WDR7: variants seen among roughly 807,000 people sequenced by gnomAD.
WDR7 encodes WD repeat domain 7, also known as WD repeat-containing protein 7.
WDR7 carries 46 observed loss-of-function variants against 169.4 expected under a neutral mutation model. The observed-to-expected ratio is 0.27, with a 90% CI of 0.21 to 0.35. The LOEUF is 0.35. WDR7 is among the 10% of genes least tolerant of loss of function. The pLI is 1.00. For synonymous variants in WDR7, 612 were observed against 666.8 expected, an observed-to-expected ratio of 0.92 and a Z score of 1.27; for missense variants, 1,534 against 1,859.3, an observed-to-expected ratio of 0.83 and a Z score of 3.22.
rs987651306 is a variant in WDR7 at position 56,767,471 on chromosome 18, G to A, written c.2848+8518G>A. Among the ~76,000 whole-genome samples the A allele has an allele frequency of 3.9e-5, 6 of 152,296 alleles. No homozygotes were observed. In the East Asian group the frequency reaches 1.2e-3, roughly 29 times the overall value. ...AACTCTCTTAAGGCAATAAGCTGGGGTAATCATAGGATCACAGGGCTCACG... is the reference window on the plus strand; with the variant it reads ...AACTCTCTTAAGGCAATAAGCTGGGATAATCATAGGATCACAGGGCTCACG... On this transcript the variant is annotated intron_variant, in intron 16 of 27. Transcript: ENST00000254442.
chr18:56,967,686 G>A (rs555332630), intron 26 of WDR7, among the ~76,000 whole-genome samples: 4 of 152,168 alleles, frequency 2.6e-5, no homozygotes, highest in African/African-American at 4.8e-5. Context: ...AGCTTTCCTC[G>A]TGAAGTTTGT....
intron 21 of WDR7, among the ~76,000 whole-genome samples, chr18:56,897,616 T>C (rs1006886544): frequency 2.6e-5 from 4 of 152,002 alleles, no homozygotes; most frequent in African/African-American, 9.7e-5. Context: ...TTGTAAGACA[T>C]TGATATTTTT....
intron 25 of WDR7, chr18:56,957,203 G>GAAGA (rs2047264069): frequency 6.6e-6 from 1 of 152,160 alleles, no homozygotes; most frequent in Admixed American, 6.6e-5. Flanking sequence ...ACCATCCCAT[G>GAAGA]AAGAAAGCGA....
intron 26 of WDR7, among the ~76,000 whole-genome samples, chr18:56,988,833 T>TTAA (rs147090034): frequency 2.0e-5 from 3 of 152,280 alleles, no homozygotes; most frequent in African/African-American, 7.2e-5. Context: ...ATTATCACAG[T>TTAA]TAATAATAGA....
intron 25 of WDR7, among the ~76,000 whole-genome samples, chr18:56,956,084 T>C (rs1021166575): frequency 1.3e-5 from 2 of 152,172 alleles, no homozygotes; most frequent in African/African-American, 2.4e-5. Flanking sequence ...GAAATACTTA[T>C]TGACTATTTA....
At chr18:56,930,916 G>A (rs1320915240) in intron 22 of WDR7, among the ~76,000 whole-genome samples, 2 of 152,170 alleles carry the variant, frequency 1.3e-5, no homozygotes, top group African/African-American at 2.4e-5. Context: ...TTTAACCAAA[G>A]TGTTCTTACA....
intron 20 of WDR7, among the ~76,000 whole-genome samples, chr18:56,858,608 G>A (rs118157091): frequency 0.014 from 2,131 of 152,186 alleles, 28 homozygotes; most frequent in East Asian, 0.035. Flanking sequence ...GTGAGCCACC[G>A]TGCTGGCCTA....
intron 16 of WDR7, among the ~76,000 whole-genome samples, chr18:56,764,626 A>G (rs2044032841): frequency 6.6e-6 from 1 of 152,124 alleles, no homozygotes; most frequent in Non-Finnish European, 1.5e-5. Context: ...ATGTTATACA[A>G]TGTGAATCCT....
At position 56,682,726 on chromosome 18, in the gene WDR7, C is replaced by G; in HGVS notation, c.393C>G (p.Cys131Trp). The change falls in exon 5 of 28, where the codon TGC (cysteine) becomes TGG (tryptophan). Residue 131 changes from cysteine to tryptophan, a missense_variant. Transcript: ENST00000254442. ...ATCAGCGAGAAGGAAGGCTTTTATG[C>G]CACGGACATTACCCTGAAATCCTTG... ...VGNQREGRLL[C>W]HGHYPEILVV... 6.2e-7 allele frequency: 1 copy of G among 1,613,798 alleles called. No individual in the cohort carries two copies. Among genetic ancestry groups the G allele is most frequent in the South Asian group, 1.1e-5 (1 of 91,068 alleles).
chr18:56,873,968 A>T (rs894951901), intron 20 of WDR7: 5 of 152,262 alleles, frequency 3.3e-5, no homozygotes, highest in Non-Finnish European at 5.9e-5. Context: ...CAGCTGACAG[A>T]ACAATCAGTG....
At chr18:56,773,275 G>A (rs192908865) in intron 16 of WDR7, among the ~76,000 whole-genome samples, 21 of 152,170 alleles carry the variant, frequency 1.4e-4, no homozygotes, top group African/African-American at 4.3e-4. Context: ...GCATTGTAAC[G>A]GGGCTTCAAG....
intron 9 of WDR7, among the ~76,000 whole-genome samples, chr18:56,693,916 C>A (rs2144631857): frequency 6.6e-6 from 1 of 152,116 alleles, no homozygotes; most frequent in African/African-American, 2.4e-5. Context: ...GTCATCCAGG[C>A]TGGAGTGCAG....
the WDR7 span, chr18:57,035,776 A>T: frequency 6.6e-6 from 1 of 152,266 alleles, no homozygotes; most frequent in Non-Finnish European, 1.5e-5. Flanking sequence ...GAGAGACCAG[A>T]CCTGCAGAGA....
At chr18:56,931,346 A>G (rs139739928) in intron 22 of WDR7, among the ~76,000 whole-genome samples, 185 of 152,316 alleles carry the variant, frequency 1.2e-3, no homozygotes, top group Non-Finnish European at 2.0e-3. Context: ...TATCACACAG[A>G]CAATGCACTC....
rs1470609504 is a variant in WDR7, at chr18:56,756,972, T to C, written c.2379T>C (p.Tyr793=). The C allele has an allele frequency of 1.2e-6, 2 of 1,614,114 alleles. No homozygotes were observed. The highest frequency in any genetic ancestry group is 8.5e-7 in the Non-Finnish European group (1 of 1,180,024). Residue 793 remains tyrosine, a synonymous_variant, in exon 15 of 28, where the codon TAT becomes TAC. Transcript: ENST00000254442. ...SKSKPLTLLE[Y]NLTMDTAKLF... is the part of the protein sequence containing the mutation. ...CAAAGCCATTGACCCTATTAGAATATAATTTAACTATGGACACTGCAAAGC... is the reference window on the plus strand; with the variant it reads ...CAAAGCCATTGACCCTATTAGAATACAATTTAACTATGGACACTGCAAAGC...
intron 26 of WDR7, among the ~76,000 whole-genome samples, chr18:56,975,066 C>A (rs1261828112): frequency 6.6e-6 from 1 of 151,974 alleles, no homozygotes. Context: ...GGTGAAACCC[C>A]GTATCTACTA....
intron 20 of WDR7, among the ~76,000 whole-genome samples, chr18:56,869,206 A>G (rs906362019): frequency 6.6e-6 from 1 of 152,142 alleles, no homozygotes; most frequent in African/African-American, 2.4e-5. Context: ...GTGGTCATAT[A>G]TTTTGCATTT....
At chr18:56,705,457 T>G (rs1040679352) in intron 12 of WDR7, among the ~76,000 whole-genome samples, 5 of 152,060 alleles carry the variant, frequency 3.3e-5, no homozygotes, top group Admixed American at 6.6e-5. Context: ...TTGGAAGACT[T>G]TAAGGAAGGT....
intron 14 of WDR7, among the ~76,000 whole-genome samples, chr18:56,749,289 CATAATTTT>C (rs2043751342): frequency 6.6e-6 from 1 of 151,816 alleles, no homozygotes; most frequent in Non-Finnish European, 1.5e-5. Context: ...AATATGGCTA[CATAATTTT>C]GTAAAACAGC....
Sources: allele counts gnomAD v4.1 joint callset (sites outside exome capture counted in the v4.1 genomes callset), GRCh38; gene constraint gnomAD v4.1.1; transcripts MANE v1.5; gene names NCBI Gene and HGNC (gene_info 2026-07-23, HGNC 2026-07-21).